The following CEP57 variants were observed in gnomAD, a reference collection of about 807,000 sequenced individuals.
The protein encoded by CEP57 is centrosomal protein of 57 kDa.
Under a neutral mutation model 68.0 loss-of-function variants are expected in CEP57, and 40 were observed. That is an observed-to-expected ratio of 0.59 (90% CI 0.46 to 0.77). The LOEUF is 0.77. CEP57 is among the 30% of genes least tolerant of loss of function. CEP57 has a pLI of 0.00. For missense variants in CEP57, 606 were observed against 580.7 expected (o/e 1.04, Z -0.45); for synonymous variants, 219 against 198.7 (o/e 1.10, Z -0.86).
intron 2 of CEP57, among the ~76,000 whole-genome samples, chr11:95,808,580 A>C (rs1270486771): frequency 2.0e-5 from 3 of 151,964 alleles, no homozygotes; most frequent in Admixed American, 2.0e-4. Context: ...CTAGTCTCTG[A>C]TAAAACGGAC....
At chr11:95,816,287 A>G (rs1213542210) in intron 4 of CEP57, among the ~76,000 whole-genome samples, 1 of 152,204 alleles carries the variant, frequency 6.6e-6, no homozygotes, top group Non-Finnish European at 1.5e-5. Flanking sequence ...TGAGAACAGC[A>G]TGGGGAACCA....
At chr11:95,790,911 C>G (rs1861013931) in intron 1 of CEP57, among the ~76,000 whole-genome samples, 168 bp downstream of exon 1, 1 of 152,228 alleles carries the variant, frequency 6.6e-6, no homozygotes, top group Non-Finnish European at 1.5e-5. Context: ...GTGGCTGTGT[C>G]GAAGCTGCAC....
At position 95,831,347 on chromosome 11, in the gene CEP57, T is replaced by C. The variant is rs371767348; in HGVS notation, c.*91T>C. 1.9e-5 allele frequency: 18 copies of C among 933,346 alleles called. No individual in the cohort carries two copies. The highest frequency in any genetic ancestry group is 2.5e-4 in the Middle Eastern group (1 of 4,042). 57.8% of individuals were successfully genotyped at this position (933,346 alleles called of 1,614,324 possible). On this transcript the variant is annotated 3_prime_UTR_variant, in exon 11 of 11. Transcript: ENST00000325542. ...ACTTCCCAGGTCTCATACTCACTTA[T>C]GTTGGAATTAATTAATAGCAGGTGT...
At chr11:95,818,330 GA>G (rs1235607340) in intron 5 of CEP57, among the ~76,000 whole-genome samples, 1 of 150,686 alleles carries the variant, frequency 6.6e-6, no homozygotes, top group Non-Finnish European at 1.5e-5. Flanking sequence ...AGAATCGCTT[GA>G]AACCAGGAGG....
chr11:95,814,011 A>G (rs1413466435), intron 4 of CEP57, among the ~76,000 whole-genome samples: 2 of 152,216 alleles, frequency 1.3e-5, no homozygotes, highest in African/African-American at 2.4e-5. Flanking sequence ...TGACCTGTAC[A>G]TTTGTGAGAA....
At chr11:95,811,881 C>A (rs970444579) in intron 2 of CEP57, among the ~76,000 whole-genome samples, 3 of 152,090 alleles carry the variant, frequency 2.0e-5, no homozygotes. Context: ...ATTAGAAAAT[C>A]TTTTAAGACT....
intron 7 of CEP57, 139 bp downstream of exon 7, chr11:95,822,117 G>T (rs1862541812): frequency 1.4e-6 from 1 of 701,694 alleles, no homozygotes; most frequent in African/African-American, 1.8e-5. Context: ...AGAAGGTGGA[G>T]ATAAGTAATA....
chr11:95,822,852 G>C (rs1037518581), intron 8 of CEP57: 1 of 428,732 alleles, frequency 2.3e-6, no homozygotes, highest in Non-Finnish European at 4.3e-6. Context: ...TTCAGATAGG[G>C]GTCAAGGAAA....
intron 6 of CEP57, among the ~76,000 whole-genome samples, chr11:95,819,108 G>A (rs1446241551): frequency 1.3e-5 from 2 of 152,170 alleles, no homozygotes; most frequent in Non-Finnish European, 2.9e-5. Flanking sequence ...TAGCATGTTT[G>A]TAATTGTAGA....
At chr11:95,799,114 C>A in intron 1 of CEP57, 118 bp from the exon 2 acceptor site, 1 of 936,576 alleles carries the variant, frequency 1.1e-6, no homozygotes, top group Non-Finnish European at 1.7e-6. Flanking sequence ...TGTTTCTAGT[C>A]AGTGGATTTT....
intron 4 of CEP57, among the ~76,000 whole-genome samples, chr11:95,817,393 T>A (rs189052609): frequency 2.6e-4 from 40 of 152,036 alleles, no homozygotes; most frequent in Admixed American, 6.5e-5. Flanking sequence ...AAAAGGATAT[T>A]ATACATAGAA....
intron 8 of CEP57, among the ~76,000 whole-genome samples, chr11:95,823,662 G>A (rs1447143954): frequency 6.6e-6 from 1 of 152,040 alleles, no homozygotes; most frequent in African/African-American, 2.4e-5. Context: ...AATCATAACT[G>A]TATAAAATTA....
chr11:95,825,810 C>G (rs1201004568), intron 8 of CEP57: 2 of 152,000 alleles, frequency 1.3e-5, no homozygotes, highest in Non-Finnish European at 2.9e-5. Flanking sequence ...GTTGGCCAGG[C>G]TGGTCTCGAA....
At chr11:95,808,352 A>G (rs1316463656) in intron 2 of CEP57, among the ~76,000 whole-genome samples, 2 of 152,178 alleles carry the variant, frequency 1.3e-5, no homozygotes, top group African/African-American at 4.8e-5. Context: ...GATAGGATCA[A>G]ATTCACACAT....
intron 4 of CEP57, among the ~76,000 whole-genome samples, chr11:95,817,344 C>A (rs868489031): frequency 6.6e-6 from 1 of 151,738 alleles, no homozygotes; most frequent in Non-Finnish European, 1.5e-5. Context: ...CTGGCCTGGG[C>A]GACAGAGCGA....
intron 4 of CEP57, among the ~76,000 whole-genome samples, chr11:95,814,223 T>TTG (rs1305883355): frequency 2.6e-5 from 4 of 151,674 alleles, no homozygotes; most frequent in East Asian, 3.9e-4. Flanking sequence ...CAGCTAACTT[T>TTG]TGTGTGTGTG....
At chr11:95,792,634 T>G (rs1446898533) in intron 1 of CEP57, among the ~76,000 whole-genome samples, 2 of 152,262 alleles carry the variant, frequency 1.3e-5, no homozygotes, top group Non-Finnish European at 2.9e-5. Context: ...ATATTTTTTT[T>G]GTGCTAAGCT....
chr11:95,831,121 C>T lies in CEP57; in HGVS notation c.1368C>T (p.Ile456=). ...EERNSSSRSG[I]TGTTNKKDFM... ...GAAACAGCAGCAGCCGTTCTGGAATCACAGGGACCACAAATAAGAAAGATT... is the reference window on the plus strand; with the variant it reads ...GAAACAGCAGCAGCCGTTCTGGAATTACAGGGACCACAAATAAGAAAGATT... The change falls in exon 11 of 11, where the codon ATC becomes ATT. Residue 456 remains isoleucine (I), a synonymous_variant. Transcript: ENST00000325542. 1 of 1,613,458 alleles carries T rather than the reference C, an allele frequency of 6.2e-7. No individual in the cohort carries two copies. The highest frequency in any genetic ancestry group is 8.5e-7 in the Non-Finnish European group (1 of 1,179,588).
chr11:95,800,422 A>G (rs990544374), intron 2 of CEP57, among the ~76,000 whole-genome samples: 7 of 151,106 alleles, frequency 4.6e-5, no homozygotes, highest in African/African-American at 1.7e-4. Flanking sequence ...TTGGAGACAG[A>G]GTCTCACTCT....
Sources: gnomAD v4.1 joint callset for allele counts (sites outside exome capture counted in the v4.1 genomes callset) on GRCh38, gnomAD v4.1.1 for gene constraint, MANE v1.5 for transcripts, NCBI Gene and HGNC (gene_info 2026-07-23, HGNC 2026-07-21) for gene names.